BAZ2B: variants seen among roughly 807,000 people sequenced by gnomAD.
BAZ2B encodes bromodomain adjacent to zinc finger domain 2B.
BAZ2B carries 91 observed loss-of-function variants against 246.0 expected under a neutral mutation model. The ratio of observed to expected loss-of-function variants is 0.37; its 90% CI spans 0.31 to 0.44. The LOEUF (loss-of-function observed/expected upper bound fraction) is 0.44, where lower values mean the gene tolerates loss of function less well. BAZ2B is among the 20% of genes least tolerant of loss of function. The probability of loss-of-function intolerance (pLI) is 1.00; values close to 1 mark genes in which losing one functional copy is unlikely to be tolerated. For synonymous variants in BAZ2B, 855 were observed against 860.0 expected, an observed-to-expected ratio of 0.99 and a Z score of 0.10; for missense variants, 2,332 against 2,533.7, an observed-to-expected ratio of 0.92 and a Z score of 1.71.
At chr2:159,535,301 C>A (rs1226717336) in intron 2 of BAZ2B, among the ~76,000 whole-genome samples, 2 of 152,178 alleles carry the variant, frequency 1.3e-5, no homozygotes, top group Non-Finnish European at 2.9e-5. Flanking sequence ...GTGGGCGGAT[C>A]ACTTGAGGTC....
At chr2:159,527,433 A>G (rs761756846) in intron 2 of BAZ2B, among the ~76,000 whole-genome samples, 41 of 151,016 alleles carry the variant, frequency 2.7e-4, no homozygotes, top group Non-Finnish European at 4.9e-4. Context: ...GGCATTTTGC[A>G]AAGCAAATGT....
chr2:159,424,038 T>C (rs528035600), intron 13 of BAZ2B, among the ~76,000 whole-genome samples: 10 of 152,244 alleles, frequency 6.6e-5, no homozygotes, highest in African/African-American at 2.4e-4. Flanking sequence ...AATAAAGCAC[T>C]GTGTCCCTAA....
the BAZ2B span, among the ~76,000 whole-genome samples, chr2:159,636,405 A>C: frequency 5.9e-5 from 9 of 152,324 alleles, no homozygotes; most frequent in Admixed American, 5.2e-4. Context: ...TACTGAACTC[A>C]GTGATGCCCT....
Position 159,368,398 on chromosome 2 carries a change from G to A in BAZ2B, c.4213+4647C>T, listed in dbSNP as rs148505911. ...ACTTAGTACAAGGCACAATACAGGTGTAAATAAACACTTGATGAATAAATC... is the reference window on the plus strand; with the variant it reads ...ACTTAGTACAAGGCACAATACAGGTATAAATAAACACTTGATGAATAAATC... On this transcript the variant is annotated intron_variant, in intron 27 of 36. Coordinates refer to ENST00000392783, the MANE Select transcript of BAZ2B (RefSeq NM_013450.4). Among the ~76,000 whole-genome samples the A allele has an allele frequency of 7.9e-4, 120 of 152,232 alleles. No individual in the cohort carries two copies. The Middle Eastern group carries it at 0.024, about 30-fold the overall frequency.
At chr2:159,707,074 G>A in the BAZ2B span, among the ~76,000 whole-genome samples, 5 of 152,092 alleles carry the variant, frequency 3.3e-5, no homozygotes, top group Non-Finnish European at 7.4e-5. Context: ...ATAATGTATT[G>A]TATACTACTG....
At chr2:159,612,730 A>G (rs1221240420) in intron 1 of BAZ2B, among the ~76,000 whole-genome samples, 2 of 152,156 alleles carry the variant, frequency 1.3e-5, no homozygotes, top group African/African-American at 2.4e-5. Context: ...CAATGACACC[A>G]CTAATGGCTT....
chr2:159,557,297 C>G (rs1034857263), intron 1 of BAZ2B, among the ~76,000 whole-genome samples: 1 of 150,954 alleles, frequency 6.6e-6, no homozygotes, highest in South Asian at 2.1e-4. Flanking sequence ...TCTCAAGTAC[C>G]TACCTCTGTT....
At chr2:159,342,479 T>G (rs1176391924) in intron 31 of BAZ2B, among the ~76,000 whole-genome samples, 1 of 152,124 alleles carries the variant, frequency 6.6e-6, no homozygotes, top group African/African-American at 2.4e-5. Flanking sequence ...AGAGATGGGG[T>G]TTTGCCATGT....
intron 2 of BAZ2B, among the ~76,000 whole-genome samples, chr2:159,515,401 G>A (rs1227547981): frequency 2.6e-5 from 4 of 151,800 alleles, no homozygotes; most frequent in Non-Finnish European, 5.9e-5. Context: ...TATTCCTTTG[G>A]TAATATTATA....
At chr2:159,702,393 C>T in the BAZ2B span, among the ~76,000 whole-genome samples, 1 of 152,122 alleles carries the variant, frequency 6.6e-6, no homozygotes, top group Non-Finnish European at 1.5e-5. Flanking sequence ...CTTAAAAACT[C>T]TTTGCCCAGA....
At chr2:159,422,647 T>A (rs1490204917) in intron 13 of BAZ2B, among the ~76,000 whole-genome samples, 1 of 152,128 alleles carries the variant, frequency 6.6e-6, no homozygotes, top group Non-Finnish European at 1.5e-5. Context: ...AATACCATTC[T>A]GAACATCAGC....
intron 3 of BAZ2B, among the ~76,000 whole-genome samples, chr2:159,456,310 T>G (rs2075769854): frequency 6.6e-6 from 1 of 152,036 alleles, no homozygotes; most frequent in African/African-American, 2.4e-5. Context: ...AAATAATAAG[T>G]AATACATAAT....
In BAZ2B at chr2:159,383,597, AG is replaced by A; in HGVS notation, c.3761+8del. 6.2e-7 allele frequency: 1 copy of A among 1,600,480 alleles called. No individual in the cohort carries two copies. Among genetic ancestry groups the A allele is most frequent in the South Asian group, 1.1e-5 (1 of 90,556 alleles). The stretch of plus-strand genomic sequence containing the variant: ...AACAGTACATTAACTTTAATAAAAC[AG>A]GACTTACTTGCGGAGTTTACCTTCT... On this transcript the variant is annotated splice_region_variant and intron_variant, in intron 24 of 36. Coordinates refer to ENST00000392783, the MANE Select transcript of BAZ2B (RefSeq NM_013450.4).
the BAZ2B span, among the ~76,000 whole-genome samples, chr2:159,683,690 C>T: frequency 6.6e-6 from 1 of 152,292 alleles, no homozygotes; most frequent in Admixed American, 6.5e-5. Context: ...GGGAAGATAT[C>T]TGATTCTTGT....
chr2:159,429,127 A>G, intron 11 of BAZ2B, 73 bp downstream of exon 11: 1 of 999,234 alleles, frequency 1.0e-6, no homozygotes, highest in Non-Finnish European at 1.4e-6. Context: ...GTAGAGAATG[A>G]GAAATCAAGT....
chr2:159,635,170 G>A, the BAZ2B span, among the ~76,000 whole-genome samples: 4 of 152,096 alleles, frequency 2.6e-5, no homozygotes, highest in African/African-American at 4.8e-5. Flanking sequence ...TATCTACTCA[G>A]GAAAGGGAAC....
intron 4 of BAZ2B, among the ~76,000 whole-genome samples, chr2:159,450,378 G>GA (rs35106931): frequency 7.2e-4 from 91 of 125,820 alleles, no homozygotes; most frequent in Middle Eastern, 4.2e-3. Flanking sequence ...CTCTCTCAAA[G>GA]AAAAAAAAAA....
At chr2:159,673,812 T>C in the BAZ2B span, among the ~76,000 whole-genome samples, 5 of 152,072 alleles carry the variant, frequency 3.3e-5, no homozygotes, top group South Asian at 2.1e-4. Flanking sequence ...TATAATTACA[T>C]GTGAAGATAT....
At chr2:159,336,606 A>G (rs2065710848) in intron 33 of BAZ2B, among the ~76,000 whole-genome samples, 1 of 152,268 alleles carries the variant, frequency 6.6e-6, no homozygotes, top group South Asian at 2.1e-4. Context: ...ATAGCAGGTA[A>G]TGTTAGCAAT....
Sources: gnomAD v4.1 joint callset for allele counts (sites outside exome capture counted in the v4.1 genomes callset) on GRCh38, gnomAD v4.1.1 for gene constraint, MANE v1.5 for transcripts, NCBI Gene and HGNC (gene_info 2026-07-23, HGNC 2026-07-21) for gene names.